The following GPC6 variants were observed in gnomAD, a reference collection of about 807,000 sequenced individuals.
GPC6 encodes glypican 6.
GPC6 carries 14 observed loss-of-function variants against 55.2 expected under a neutral mutation model. That is an observed-to-expected ratio of 0.25 (90% CI 0.17 to 0.40). GPC6 has a LOEUF of 0.40. Among genes scored for constraint, GPC6 ranks in the 10% least tolerant of loss-of-function variants. The pLI is 1.00. For synonymous variants in GPC6, 278 were observed against 259.6 expected, an observed-to-expected ratio of 1.07 and a Z score of -0.68; for missense variants, 641 against 708.5, an observed-to-expected ratio of 0.90 and a Z score of 1.08.
chr13:93,997,887 C>T (rs1377200908), intron 3 of GPC6, among the ~76,000 whole-genome samples: 1 of 152,130 alleles, frequency 6.6e-6, no homozygotes, highest in Admixed American at 6.6e-5. Context: ...AGAGAATCAG[C>T]GTTGAGACAT....
In GPC6 at chr13:94,121,667, C is replaced by A. The variant is rs566813311; in HGVS notation, c.877+93773C>A. Among the ~76,000 whole-genome samples, 229 of 152,166 alleles carry A rather than the reference C, an allele frequency of 1.5e-3. 1 individual carries two copies. Among genetic ancestry groups the A allele is most frequent in the African/African-American group, 5.3e-3 (221 of 41,540 alleles). On this transcript the variant is annotated intron_variant, in intron 4 of 8. Coordinates refer to ENST00000377047, the MANE Select transcript of GPC6 (RefSeq NM_005708.5). ...GGCTGGAAGCCAACATGATTGTGAA[C>A]CCAAATAAAACATAGACACAGAGAT... is the stretch of plus-strand genomic sequence containing the variant.
chr13:94,375,413 C>T (rs1230221330), intron 6 of GPC6, among the ~76,000 whole-genome samples: 2 of 152,012 alleles, frequency 1.3e-5, no homozygotes, highest in African/African-American at 4.8e-5. Flanking sequence ...GAGAATACTA[C>T]AAACACCTCT....
chr13:93,891,173 A>G (rs1189747774), intron 3 of GPC6, among the ~76,000 whole-genome samples: 1 of 152,168 alleles, frequency 6.6e-6, no homozygotes, highest in East Asian at 1.9e-4. Context: ...TTTAATGTTC[A>G]CAGTGTATAC....
chr13:94,098,164 T>G (rs1885732711), intron 4 of GPC6, among the ~76,000 whole-genome samples: 1 of 152,232 alleles, frequency 6.6e-6, no homozygotes. Flanking sequence ...CATTGCTATT[T>G]AATTCTATTT....
intron 1 of GPC6, among the ~76,000 whole-genome samples, chr13:93,288,873 C>T (rs1246335479): frequency 6.6e-6 from 1 of 152,158 alleles, no homozygotes; most frequent in Non-Finnish European, 1.5e-5. Context: ...AGTGGTTAAA[C>T]CACTTCATGA....
chr13:93,466,814 A>T (rs1024527525), intron 1 of GPC6, among the ~76,000 whole-genome samples: 1 of 152,180 alleles, frequency 6.6e-6, no homozygotes, highest in Admixed American at 6.5e-5. Flanking sequence ...ACTACTATGG[A>T]TCTGATAACA....
chr13:93,250,848 A>T (rs773598900), intron 1 of GPC6, among the ~76,000 whole-genome samples: 3 of 152,200 alleles, frequency 2.0e-5, no homozygotes. Context: ...CACACTGCTG[A>T]TAAAGACATA....
chr13:93,906,773 T>C (rs1316683621), intron 3 of GPC6, among the ~76,000 whole-genome samples: 3 of 152,186 alleles, frequency 2.0e-5, no homozygotes, highest in African/African-American at 4.8e-5. Flanking sequence ...TTAATAGCTC[T>C]AAGATACTCA....
At chr13:93,856,131 G>T (rs575553672) in intron 3 of GPC6, among the ~76,000 whole-genome samples, 1 of 151,482 alleles carries the variant, frequency 6.6e-6, no homozygotes, top group Admixed American at 6.6e-5. Context: ...CAGCATTCTT[G>T]CACTGCCATC....
intron 1 of GPC6, among the ~76,000 whole-genome samples, chr13:93,411,813 C>A (rs1229465020): frequency 1.3e-5 from 2 of 151,816 alleles, no homozygotes; most frequent in East Asian, 3.9e-4. Flanking sequence ...CCAGCCTACC[C>A]AACCTGGTGA....
intron 1 of GPC6, among the ~76,000 whole-genome samples, chr13:93,524,807 A>G (rs1015746829): frequency 1.3e-5 from 2 of 152,078 alleles, no homozygotes; most frequent in African/African-American, 4.8e-5. Flanking sequence ...CATATCTTTA[A>G]TTCTTTTTCC....
At chr13:93,999,215 G>A (rs577742931) in intron 3 of GPC6, among the ~76,000 whole-genome samples, 3 of 152,154 alleles carry the variant, frequency 2.0e-5, no homozygotes, top group Admixed American at 6.6e-5. Context: ...GGTGTGTGAT[G>A]TTCCCCTCCC....
Position 94,213,025 on chromosome 13 carries a change from G to A in GPC6, c.878-73324G>A, listed in dbSNP as rs112098549. 1.1e-3 allele frequency among the ~76,000 whole-genome samples: 162 copies of A among 152,212 alleles called. 3 individuals are homozygous for A. Among genetic ancestry groups the A allele is most frequent in the African/African-American group, 3.6e-3 (150 of 41,554 alleles). On this transcript the variant is annotated intron_variant, in intron 4 of 8. Transcript: ENST00000377047. ...ACAAAAATTAGCCGAGCGTGATGGCGGGTGCCTGTAATCCCAGCTACCTGG... is the reference window on the plus strand; with the variant it reads ...ACAAAAATTAGCCGAGCGTGATGGCAGGTGCCTGTAATCCCAGCTACCTGG...
intron 2 of GPC6, among the ~76,000 whole-genome samples, chr13:93,573,377 T>G (rs1241740635): frequency 6.6e-6 from 1 of 152,100 alleles, no homozygotes. Flanking sequence ...ATAGATTTAT[T>G]TAGCAACTTT....
intron 4 of GPC6, among the ~76,000 whole-genome samples, chr13:94,246,471 C>T (rs1891198996): frequency 6.6e-6 from 1 of 151,988 alleles, no homozygotes; most frequent in African/African-American, 2.4e-5. Context: ...ATGTTTTGTC[C>T]TAGGAGTTCC....
chr13:94,195,786 G>C (rs889940682), intron 4 of GPC6, among the ~76,000 whole-genome samples: 1 of 152,170 alleles, frequency 6.6e-6, no homozygotes, highest in Non-Finnish European at 1.5e-5. Flanking sequence ...TTTCTCACGT[G>C]TTCTGAGAAA....
intron 1 of GPC6, among the ~76,000 whole-genome samples, chr13:93,365,058 A>T (rs1171826831): frequency 6.6e-6 from 1 of 151,844 alleles, no homozygotes; most frequent in Non-Finnish European, 1.5e-5. Context: ...TTCTACCTCC[A>T]CATCACCCCC....
intron 5 of GPC6, among the ~76,000 whole-genome samples, chr13:94,293,229 C>G (rs1875095416): frequency 6.6e-6 from 1 of 152,164 alleles, no homozygotes. Context: ...TGATTTGGCT[C>G]TGTGTCCCCA....
At chr13:93,871,635 C>A (rs1889136370) in intron 3 of GPC6, among the ~76,000 whole-genome samples, 1 of 148,392 alleles carries the variant, frequency 6.7e-6, no homozygotes, top group African/African-American at 2.4e-5. Flanking sequence ...GATTGGAAGT[C>A]AGGTGTTAAA....
Sources: allele counts gnomAD v4.1 joint callset (sites outside exome capture counted in the v4.1 genomes callset), GRCh38; gene constraint gnomAD v4.1.1; transcripts MANE v1.5; gene names NCBI Gene and HGNC (gene_info 2026-07-23, HGNC 2026-07-21).